PRDM16: variants seen among roughly 807,000 people sequenced by gnomAD.
PRDM16 encodes PR/SET domain 16.
PRDM16 carries 23 observed loss-of-function variants against 110.6 expected under a neutral mutation model. That is an observed-to-expected ratio of 0.21 (90% CI 0.15 to 0.29). PRDM16 has a LOEUF of 0.29. Ranked by LOEUF, PRDM16 falls within the 10% of genes least tolerant of loss-of-function variation. The probability of loss-of-function intolerance (pLI) is 1.00; values close to 1 mark genes in which losing one functional copy is unlikely to be tolerated. For missense variants in PRDM16, 1,615 were observed against 1,794.3 expected (o/e 0.90, Z 1.81); for synonymous variants, 799 against 781.8 (o/e 1.02, Z -0.37).
chr1:3,250,035 C>T (rs1321440299), intron 3 of PRDM16, among the ~76,000 whole-genome samples: 4 of 152,210 alleles, frequency 2.6e-5, no homozygotes, highest in African/African-American at 9.6e-5. Flanking sequence ...CCCAAGGCAG[C>T]GCTGGGCCGT....
Position 3,069,304 on chromosome 1 carries a change from T to G in PRDM16, c.37+8T>G. ...CGAGGAAGCTAGCCAAAAGTAAGTC[T>G]CCCGCGCTCGGCCGCGCCGCGCCGC... On this transcript the variant is annotated splice_region_variant and intron_variant, in intron 1 of 16. Transcript: ENST00000270722. This position sits in a 1 kb window ranked among gnomAD's most constrained non-coding sequence, Gnocchi z 6.1. 9.0e-6 allele frequency: 13 copies of G among 1,440,252 alleles called. No homozygotes were observed. The highest frequency in any genetic ancestry group is 2.1e-5 in the Admixed American group (1 of 48,240). 89.2% of individuals were successfully genotyped at this position (1,440,252 alleles called of 1,614,324 possible).
intron 3 of PRDM16, among the ~76,000 whole-genome samples, chr1:3,293,618 G>A (rs1222952289): frequency 6.6e-6 from 1 of 152,246 alleles, no homozygotes; most frequent in African/African-American, 2.4e-5. Context: ...AGAGGGGAAT[G>A]CGTTTGAGCT....
Position 3,344,499 on chromosome 1 carries a change from T to C in PRDM16, c.439-40653T>C, listed in dbSNP as rs971595893. Among the ~76,000 whole-genome samples the C allele has an allele frequency of 5.2e-5, 8 of 152,394 alleles. No individual in the cohort carries two copies. In the South Asian group the frequency reaches 6.2e-4, roughly 12 times the overall value. ...ATTTATAAGGTATTTTTAAATCTGCTGATTCTAACATCTGGCTCATATCAG... is the reference window on the plus strand; with the variant it reads ...ATTTATAAGGTATTTTTAAATCTGCCGATTCTAACATCTGGCTCATATCAG... On this transcript the variant is annotated intron_variant, in intron 3 of 16. Coordinates refer to ENST00000270722, the MANE Select transcript of PRDM16 (RefSeq NM_022114.4).
At chr1:3,229,958 C>T (rs1639369543) in intron 2 of PRDM16, among the ~76,000 whole-genome samples, 1 of 152,228 alleles carries the variant, frequency 6.6e-6, no homozygotes, top group Non-Finnish European at 1.5e-5. Flanking sequence ...CAGCTCCGTG[C>T]AGGTGTCGGG....
intron 14 of PRDM16, among the ~76,000 whole-genome samples, chr1:3,429,192 G>C (rs1638699385): frequency 1.3e-5 from 2 of 152,278 alleles, no homozygotes; most frequent in African/African-American, 4.8e-5. Flanking sequence ...TGGCCTCAGA[G>C]CTGTGAAAGC....
At chr1:3,336,011 G>A (rs898247399) in intron 3 of PRDM16, among the ~76,000 whole-genome samples, 2 of 152,188 alleles carry the variant, frequency 1.3e-5, no homozygotes, top group Non-Finnish European at 2.9e-5. Flanking sequence ...CCACAGAGGA[G>A]GCTGTGACGT....
At chr1:3,321,791 A>C (rs528665228) in intron 3 of PRDM16, among the ~76,000 whole-genome samples, 14 of 139,716 alleles carry the variant, frequency 1.0e-4, no homozygotes, top group African/African-American at 2.4e-4. Context: ...GTGCTGTGCA[A>C]GTGTGCGTGC....
chr1:3,231,696 G>A (rs991318917), intron 2 of PRDM16, among the ~76,000 whole-genome samples: 11 of 152,236 alleles, frequency 7.2e-5, no homozygotes, highest in South Asian at 4.1e-4. Context: ...GGCCTTGGCC[G>A]TACGTCTGCC....
At position 3,426,089 on chromosome 1, in the gene PRDM16, A is replaced by C; in HGVS notation, c.3148A>C (p.Thr1050Pro). ...HPGVLTNHLG[T>P]SASSPTSESD... ...CGGGGTCCTCACGAACCACCTGGGGACCAGCGCGTCCTCTCCCACCTCAGA... is the reference window on the plus strand; with the variant it reads ...CGGGGTCCTCACGAACCACCTGGGGCCCAGCGCGTCCTCTCCCACCTCAGA... Residue 1050 changes from threonine (T) to proline (P), a missense_variant, in exon 14 of 17, where the codon ACC becomes CCC. Coordinates refer to ENST00000270722, the MANE Select transcript of PRDM16 (RefSeq NM_022114.4). 6.2e-7 allele frequency: 1 copy of C among 1,613,820 alleles called. No homozygotes were observed. Among genetic ancestry groups the C allele is most frequent in the East Asian group, 2.2e-5 (1 of 44,856 alleles).
At chr1:3,123,136 A>G (rs990505588) in intron 1 of PRDM16, among the ~76,000 whole-genome samples, 4 of 152,206 alleles carry the variant, frequency 2.6e-5, no homozygotes, top group African/African-American at 9.6e-5. Context: ...CACCTCATAC[A>G]TGGGACAGCA....
At chr1:3,326,656 A>G (rs1641916443) in intron 3 of PRDM16, among the ~76,000 whole-genome samples, 1 of 152,184 alleles carries the variant, frequency 6.6e-6, no homozygotes, top group African/African-American at 2.4e-5. Flanking sequence ...AGGGCTGATT[A>G]GAGGAGCGGG....
At chr1:3,329,481 G>A (rs1641998197) in intron 3 of PRDM16, among the ~76,000 whole-genome samples, 1 of 152,176 alleles carries the variant, frequency 6.6e-6, no homozygotes, top group South Asian at 2.1e-4. Flanking sequence ...CTGTAGTGTC[G>A]GGGGCCGAGG....
chr1:3,224,685 T>A (rs1310145469), intron 2 of PRDM16, among the ~76,000 whole-genome samples: 1 of 152,154 alleles, frequency 6.6e-6, no homozygotes, highest in African/African-American at 2.4e-5. Flanking sequence ...AGGGGGATGA[T>A]GAGGTGGAGG....
chr1:3,381,407 T>G (rs1169639925), intron 3 of PRDM16, among the ~76,000 whole-genome samples: 7 of 150,570 alleles, frequency 4.6e-5, no homozygotes, highest in East Asian at 3.9e-4. Context: ...CTGGTTTTTT[T>G]TTTTTTTTTT....
intron 4 of PRDM16, among the ~76,000 whole-genome samples, chr1:3,388,566 G>C (rs1245090021): frequency 6.6e-6 from 1 of 152,210 alleles, no homozygotes; most frequent in East Asian, 1.9e-4. Flanking sequence ...TAAAAAGAAA[G>C]TTCTGGAAGC....
chr1:3,428,169 G>A (rs974367353), intron 14 of PRDM16, among the ~76,000 whole-genome samples: 2 of 149,070 alleles, frequency 1.3e-5, no homozygotes, highest in African/African-American at 2.5e-5. Flanking sequence ...GGTGCAGCCC[G>A]GCCGCACTGC....
intron 3 of PRDM16, among the ~76,000 whole-genome samples, chr1:3,313,658 G>C (rs1461786581): frequency 1.3e-5 from 2 of 152,228 alleles, no homozygotes; most frequent in Non-Finnish European, 2.9e-5. Flanking sequence ...ACCCCGCCTG[G>C]GGGCCAGAAC....
chr1:3,236,815 A>G (rs1639550697), intron 2 of PRDM16, among the ~76,000 whole-genome samples: 1 of 152,186 alleles, frequency 6.6e-6, no homozygotes, highest in African/African-American at 2.4e-5. Flanking sequence ...AGGAAGCCAT[A>G]GCCTTGCTCG....
chr1:3,229,137 T>A (rs1033835464), intron 2 of PRDM16, among the ~76,000 whole-genome samples: 7 of 152,168 alleles, frequency 4.6e-5, no homozygotes, highest in African/African-American at 1.7e-4. Context: ...CCCTCCTGCA[T>A]CCATGGAGCA....
Sources: gnomAD v4.1 joint callset for allele counts (sites outside exome capture counted in the v4.1 genomes callset) on GRCh38, gnomAD v4.1.1 for gene constraint, Gnocchi (gnomAD v3.1) non-coding constraint, MANE v1.5 for transcripts, NCBI Gene and HGNC (gene_info 2026-07-23, HGNC 2026-07-21) for gene names.